The following SPACA7 variants were observed in gnomAD, a reference collection of about 807,000 sequenced individuals.
The protein encoded by SPACA7 is sperm acrosome associated 7.
SPACA7 carries 19 observed loss-of-function variants against 26.3 expected under a neutral mutation model. That is an observed-to-expected ratio of 0.72 (90% CI 0.50 to 1.06). The LOEUF (loss-of-function observed/expected upper bound fraction) is 1.06. Ranked by LOEUF, SPACA7 falls within the 50% of genes least tolerant of loss-of-function variation. The probability of loss-of-function intolerance (pLI) is 0.00; values close to 1 mark genes in which losing one functional copy is unlikely to be tolerated. For missense variants in SPACA7, 211 were observed against 229.9 expected (o/e 0.92, Z 0.53); for synonymous variants, 84 against 84.5 (o/e 0.99, Z 0.04).
chr13:112,397,704 T>C (rs1313953176), intron 2 of SPACA7, among the ~76,000 whole-genome samples: 1 of 152,130 alleles, frequency 6.6e-6, no homozygotes, highest in African/African-American at 2.4e-5. Context: ...GAGGGCAGCT[T>C]TGGGAGAGCC....
At chr13:112,426,037 G>A (rs1301306530) in intron 5 of SPACA7, among the ~76,000 whole-genome samples, 1 of 152,224 alleles carries the variant, frequency 6.6e-6, no homozygotes, top group Non-Finnish European at 1.5e-5. Flanking sequence ...GTACTTAAAT[G>A]GAAATGTATA....
At chr13:112,378,613 A>C in intron 1 of SPACA7, 1 of 469,038 alleles carries the variant, frequency 2.1e-6, no homozygotes, top group Non-Finnish European at 4.4e-6. Flanking sequence ...GTGGTACCTA[A>C]AGACTTGGGT....
chr13:112,417,306 A>C (rs1043128712), intron 5 of SPACA7, among the ~76,000 whole-genome samples: 2 of 151,812 alleles, frequency 1.3e-5, no homozygotes, highest in Non-Finnish European at 2.9e-5. Context: ...ATATTTTCTT[A>C]TTATTTCCTC....
chr13:112,399,025 A>C (rs898202105), intron 3 of SPACA7, 41 bp from the exon 4 acceptor site: 1 of 1,276,196 alleles, frequency 7.8e-7, no homozygotes, highest in African/African-American at 1.5e-5. Flanking sequence ...TGTGTAATCA[A>C]GAAAACTTTT....
At chr13:112,383,108 AAGAAAAGAAAAGAAAAGAAAGAAAG>A (rs1393882393) in intron 1 of SPACA7, among the ~76,000 whole-genome samples, 44 of 16,108 alleles carry the variant, frequency 2.7e-3, no homozygotes, top group African/African-American at 5.6e-3. Context: ...GAAGAAAGAA[AAGAAAAGAAAAGAAAAGAAAGAAAG>A]AAAGAAAGAA....
intron 1 of SPACA7, among the ~76,000 whole-genome samples, chr13:112,389,025 G>C (rs1490249446): frequency 6.6e-6 from 1 of 152,254 alleles, no homozygotes; most frequent in East Asian, 1.9e-4. Flanking sequence ...GTTTAGGGAG[G>C]GTCAGAATCT....
chr13:112,408,021 A>G (rs1886101135), intron 5 of SPACA7, among the ~76,000 whole-genome samples: 1 of 152,174 alleles, frequency 6.6e-6, no homozygotes, highest in Non-Finnish European at 1.5e-5. Context: ...CTTATCCACC[A>G]TGATCAACTG....
At chr13:112,397,823 C>G (rs1300636303) in intron 2 of SPACA7, among the ~76,000 whole-genome samples, 1 of 152,200 alleles carries the variant, frequency 6.6e-6, no homozygotes, top group Non-Finnish European at 1.5e-5. Context: ...TCCAAAATGT[C>G]CAAATGGTCT....
intron 5 of SPACA7, among the ~76,000 whole-genome samples, chr13:112,428,622 A>G (rs1876772766): frequency 6.6e-6 from 1 of 152,172 alleles, no homozygotes; most frequent in Non-Finnish European, 1.5e-5. Context: ...GAAGTGTGCT[A>G]TTTAGTTTCA....
At chr13:112,387,002 A>G (rs1205297653) in intron 1 of SPACA7, among the ~76,000 whole-genome samples, 2 of 152,246 alleles carry the variant, frequency 1.3e-5, no homozygotes, top group East Asian at 3.8e-4. Flanking sequence ...ATAAATGGCA[A>G]AATTACATAA....
chr13:112,429,985 G>A (rs1876907140), intron 5 of SPACA7, among the ~76,000 whole-genome samples: 1 of 152,116 alleles, frequency 6.6e-6, no homozygotes, highest in African/African-American at 2.4e-5. Context: ...TCAATTTCCT[G>A]TGTATTATGA....
intron 5 of SPACA7, among the ~76,000 whole-genome samples, chr13:112,427,927 CTA>C (rs1214699254): frequency 1.3e-5 from 2 of 152,092 alleles, no homozygotes; most frequent in African/African-American, 4.8e-5. Flanking sequence ...TCTAAAAATC[CTA>C]TCAGTCTGAT....
At chr13:112,383,343 G>A (rs1884329584) in intron 1 of SPACA7, among the ~76,000 whole-genome samples, 1 of 151,964 alleles carries the variant, frequency 6.6e-6, no homozygotes, top group South Asian at 2.1e-4. Flanking sequence ...ATGTACTATA[G>A]GTTTTTTGGA....
At chr13:112,381,952 C>A (rs1594235971) in intron 1 of SPACA7, among the ~76,000 whole-genome samples, 1 of 152,180 alleles carries the variant, frequency 6.6e-6, no homozygotes, top group South Asian at 2.1e-4. Context: ...AGCTGCATAA[C>A]TCTAAACCAT....
chr13:112,414,873 T>C (rs1157350104), intron 5 of SPACA7, among the ~76,000 whole-genome samples: 1 of 152,252 alleles, frequency 6.6e-6, no homozygotes, highest in Non-Finnish European at 1.5e-5. Context: ...TGCTTCTGAA[T>C]GTTCACTGGT....
chr13:112,384,276 G>A (rs1484154443), intron 1 of SPACA7, among the ~76,000 whole-genome samples: 1 of 151,978 alleles, frequency 6.6e-6, no homozygotes, highest in East Asian at 1.9e-4. Flanking sequence ...AGACACAGTT[G>A]ACAAGGAAAT....
chr13:112,382,477 G>A (rs1884140868), intron 1 of SPACA7: 1 of 1,550,430 alleles, frequency 6.4e-7, no homozygotes, highest in Non-Finnish European at 8.7e-7. Flanking sequence ...CACTGACAGG[G>A]GACGTAGTGG....
At chr13:112,387,432 T>C (rs1045113891) in intron 1 of SPACA7, among the ~76,000 whole-genome samples, 5 of 152,360 alleles carry the variant, frequency 3.3e-5, no homozygotes, top group African/African-American at 9.6e-5. Context: ...CTGTGATACT[T>C]CTTTCTCCAT....
In SPACA7 at chr13:112,405,083, C is replaced by T. The variant is rs537867195; in HGVS notation, c.445+3919C>T. On this transcript the variant is annotated intron_variant, in intron 5 of 6. Transcript: ENST00000283550. ...CTGCAAGCTCCGCCTCCCGGGTTCA[C>T]GCCATTCTCCCGCCTCAGCCTCCAG... Among the ~76,000 whole-genome samples, 13 of 150,744 alleles carry T rather than the reference C, an allele frequency of 8.6e-5. No individual in the cohort carries two copies. The South Asian group carries it at 1.9e-3, about 22-fold the overall frequency.
Sources: gnomAD v4.1 joint callset for allele counts (sites outside exome capture counted in the v4.1 genomes callset) on GRCh38, gnomAD v4.1.1 for gene constraint, MANE v1.5 for transcripts, NCBI Gene and HGNC (gene_info 2026-07-23, HGNC 2026-07-21) for gene names.